The following SFMBT2 variants were observed in gnomAD, a reference collection of about 807,000 sequenced individuals.
The protein encoded by SFMBT2 is Scm like with four mbt domains 2, also known as scm-like with four MBT domains protein 2.
Under a neutral mutation model 110.1 loss-of-function variants are expected in SFMBT2, and 38 were observed. That is an observed-to-expected ratio of 0.35 (90% CI 0.27 to 0.45). The LOEUF (loss-of-function observed/expected upper bound fraction) is 0.45, where lower values mean the gene tolerates loss of function less well. SFMBT2 is among the 20% of genes least tolerant of loss of function. The pLI is 1.00. For synonymous variants in SFMBT2, 425 were observed against 425.4 expected (o/e 1.00, Z 0.01); for missense variants, 1,011 against 1,094.9 (o/e 0.92, Z 1.08).
At chr10:7,183,762 C>T (rs1435985846) in intron 16 of SFMBT2, among the ~76,000 whole-genome samples, 1 of 152,200 alleles carries the variant, frequency 6.6e-6, no homozygotes, top group African/African-American at 2.4e-5. Flanking sequence ...TTCTCACTTG[C>T]TTTCCTCAAA....
intron 11 of SFMBT2, chr10:7,214,767 G>C (rs1839477351): frequency 7.1e-6 from 7 of 985,350 alleles, no homozygotes; most frequent in Non-Finnish European, 8.4e-6. Context: ...TACCTGTAGG[G>C]TGTGTTTTGT....
At chr10:7,242,442 T>C (rs1029034226) in intron 9 of SFMBT2, among the ~76,000 whole-genome samples, 1 of 152,218 alleles carries the variant, frequency 6.6e-6, no homozygotes, top group East Asian at 1.9e-4. Flanking sequence ...ATAAACTCTC[T>C]GTGACTTAGA....
In SFMBT2 at chr10:7,187,223, C is replaced by T. The variant is rs922873505; in HGVS notation, c.1808+1401G>A. The stretch of plus-strand genomic sequence containing the variant: ...ATTATATCTGTGTCCATTAGGTGTA[C>T]GTGGACTGTATTGAATTTTGCAGAA... On this transcript the variant is annotated intron_variant, in intron 16 of 20. Transcript: ENST00000397167. Among the ~76,000 whole-genome samples, 67 of 152,106 alleles carry T rather than the reference C, an allele frequency of 4.4e-4. 1 individual carries two copies. The highest frequency in any genetic ancestry group is 1.5e-3 in the African/African-American group (62 of 41,398).
chr10:7,323,551 C>G (rs1047146040), intron 4 of SFMBT2, among the ~76,000 whole-genome samples: 4 of 151,162 alleles, frequency 2.6e-5, no homozygotes, highest in Non-Finnish European at 4.4e-5. Context: ...TGGAAAGGAG[C>G]CCCAATATTA....
At chr10:7,224,765 C>T (rs76252603) in intron 10 of SFMBT2, among the ~76,000 whole-genome samples, 16,935 of 152,108 alleles carry the variant, frequency 0.11, 1,106 homozygotes, top group African/African-American at 0.18. Flanking sequence ...TTGCCAACTA[C>T]TATAAATTAT....
chr10:7,251,646 T>C (rs948133240), intron 7 of SFMBT2, among the ~76,000 whole-genome samples: 1 of 152,200 alleles, frequency 6.6e-6, no homozygotes, highest in Non-Finnish European at 1.5e-5. Flanking sequence ...GTAGCCTGAA[T>C]GTACTCAGCA....
chr10:7,376,232 C>A (rs535471926), intron 2 of SFMBT2, among the ~76,000 whole-genome samples: 1 of 152,114 alleles, frequency 6.6e-6, no homozygotes, highest in African/African-American at 2.4e-5. Flanking sequence ...TTCTTGGTGT[C>A]CCCTGGGATG....
At chr10:7,342,396 C>CTTTTTTTTTTTTTTTTTTT (rs71382101) in intron 4 of SFMBT2, among the ~76,000 whole-genome samples, 3 of 69,664 alleles carry the variant, frequency 4.3e-5, no homozygotes, top group African/African-American at 1.1e-4. Flanking sequence ...TGGAGTGAGT[C>CTTTTTTTTTTTTTTTTTTT]TTTTTTTTTT....
At chr10:7,336,832 A>G (rs1027189152) in intron 4 of SFMBT2, among the ~76,000 whole-genome samples, 5 of 152,236 alleles carry the variant, frequency 3.3e-5, no homozygotes, top group Non-Finnish European at 1.5e-5. Flanking sequence ...AGACCAGAAC[A>G]TGCAATTTTA....
At chr10:7,406,899 A>AC (rs534465538) in intron 1 of SFMBT2, among the ~76,000 whole-genome samples, 1,904 of 149,978 alleles carry the variant, frequency 0.013, 15 homozygotes, top group South Asian at 0.02. Flanking sequence ...GGGCTGCGAG[A>AC]CCCCCGGCTC....
chr10:7,318,962 C>T (rs1370026843), intron 4 of SFMBT2, among the ~76,000 whole-genome samples: 1 of 152,060 alleles, frequency 6.6e-6, no homozygotes, highest in Admixed American at 6.6e-5. Flanking sequence ...GTACAAAGGC[C>T]CCGGGCCATA....
intron 1 of SFMBT2, among the ~76,000 whole-genome samples, chr10:7,399,242 T>C (rs1188372597): frequency 6.6e-6 from 1 of 151,798 alleles, no homozygotes; most frequent in Non-Finnish European, 1.5e-5. Context: ...TTTGTTTTGT[T>C]TTTTTTTTGA....
At chr10:7,266,980 T>TAG (rs1382891032) in intron 7 of SFMBT2, among the ~76,000 whole-genome samples, 1 of 152,110 alleles carries the variant, frequency 6.6e-6, no homozygotes, top group Admixed American at 6.5e-5. Context: ...CTTATACCAA[T>TAG]CTAAAACTTT....
At chr10:7,204,946 G>A in intron 12 of SFMBT2, 1 of 985,070 alleles carries the variant, frequency 1.0e-6, no homozygotes, top group Non-Finnish European at 1.2e-6. Flanking sequence ...GTATGAATGG[G>A]CGTTTACTGC....
chr10:7,228,029 C>A (rs1035291518), intron 9 of SFMBT2, 92 bp from the exon 10 acceptor site: 1 of 873,260 alleles, frequency 1.1e-6, no homozygotes, highest in Non-Finnish European at 1.7e-6. Context: ...TTTAGGCTCC[C>A]AAAAGATAAT....
intron 11 of SFMBT2, chr10:7,206,733 G>T: frequency 1.4e-6 from 1 of 727,060 alleles, no homozygotes; most frequent in Non-Finnish European, 1.7e-6. Flanking sequence ...AGCAGCAAAA[G>T]TTTCAAGGAG....
intron 1 of SFMBT2, among the ~76,000 whole-genome samples, chr10:7,396,236 G>A (rs909530685): frequency 5.9e-5 from 9 of 152,224 alleles, no homozygotes; most frequent in South Asian, 2.1e-4. Flanking sequence ...GCGACAGAGC[G>A]AGACTGTCTC....
chr10:7,359,982 A>G (rs980376839), intron 4 of SFMBT2, among the ~76,000 whole-genome samples: 4 of 152,230 alleles, frequency 2.6e-5, no homozygotes, highest in African/African-American at 9.6e-5. Context: ...TCTGGGAACA[A>G]ACACACTTTC....
chr10:7,316,974 T>C (rs758153901), intron 4 of SFMBT2, among the ~76,000 whole-genome samples: 1 of 152,210 alleles, frequency 6.6e-6, no homozygotes, highest in Non-Finnish European at 1.5e-5. Context: ...TGTTTCTCTA[T>C]TGATAAATGT....
Sources: gnomAD v4.1 joint callset for allele counts (sites outside exome capture counted in the v4.1 genomes callset) on GRCh38, gnomAD v4.1.1 for gene constraint, MANE v1.5 for transcripts, NCBI Gene and HGNC (gene_info 2026-07-23, HGNC 2026-07-21) for gene names.